CLSTN2: variants seen among roughly 807,000 people sequenced by gnomAD.
CLSTN2 encodes calsyntenin 2.
A neutral mutation model predicts 101.2 loss-of-function variants in CLSTN2; 48 were observed. The observed-to-expected ratio is 0.47, with a 90% confidence interval of 0.38 to 0.60. CLSTN2 has a LOEUF of 0.60. Among genes scored for constraint, CLSTN2 ranks in the 20% least tolerant of loss-of-function variants. The pLI is 0.00. For missense variants in CLSTN2, 1,160 were observed against 1,238.2 expected (o/e 0.94, Z 0.95); for synonymous variants, 481 against 463.6 (o/e 1.04, Z -0.48).
rs554617411 is a variant in CLSTN2 at position 140,216,551 on chromosome 3, A to T, written c.232+40478A>T. ...GCCTCTTTGCTGTGACTCTTACAAA[A>T]ATTAAAAAACCAAACCTCTCAGTTG... On this transcript the variant is annotated intron_variant, in intron 2 of 16. Coordinates refer to ENST00000458420, the MANE Select transcript of CLSTN2 (RefSeq NM_022131.3). 2.0e-5 allele frequency among the ~76,000 whole-genome samples: 3 copies of T among 152,222 alleles called. No individual in the cohort carries two copies. The South Asian group carries it at 6.2e-4, about 32-fold the overall frequency.
intron 1 of CLSTN2, among the ~76,000 whole-genome samples, chr3:140,077,532 T>A (rs1350015160): frequency 1.3e-5 from 2 of 152,180 alleles, no homozygotes; most frequent in African/African-American, 4.8e-5. Context: ...CACACATATG[T>A]CTGCAAATGT....
intron 1 of CLSTN2, among the ~76,000 whole-genome samples, chr3:140,031,790 G>A (rs1319080287): frequency 2.6e-5 from 4 of 152,216 alleles, no homozygotes; most frequent in Non-Finnish European, 5.9e-5. Context: ...GCTATCCAAA[G>A]TCTTTAAGTA....
At chr3:140,330,720 G>T (rs1040293804) in intron 2 of CLSTN2, among the ~76,000 whole-genome samples, 2 of 152,206 alleles carry the variant, frequency 1.3e-5, no homozygotes, top group Non-Finnish European at 2.9e-5. Flanking sequence ...TGACAAAAAA[G>T]CCAAATAGCT....
In CLSTN2 at chr3:140,240,134, T is replaced by TTCTCTCTCTCTCTC. The variant is rs1370229338; in HGVS notation, c.232+64065_232+64078dup. On this transcript the variant is annotated intron_variant, in intron 2 of 16. Transcript: ENST00000458420. ...AAGCTATACCTTAATTGCACCTGGT[T>TTCTCTCTCTCTCTC]TCTCTCTCTCTCTCTCTGTCTCTCT... Among the ~76,000 whole-genome samples the TTCTCTCTCTCTCTC allele has an allele frequency of 5.7e-3, 117 of 20,490 alleles. 43 individuals are homozygous for TTCTCTCTCTCTCTC. Among genetic ancestry groups the TTCTCTCTCTCTCTC allele is most frequent in the East Asian group, 0.015 (4 of 274 alleles). The allele number at this position is 20,490 out of a possible 152,430, so 13.4% of individuals were successfully genotyped here. A position where few individuals can be genotyped will look rare whatever the true frequency, so the allele number is the denominator to read the frequency against.
chr3:140,235,378 A>G (rs1000494893), intron 2 of CLSTN2, among the ~76,000 whole-genome samples: 7 of 152,142 alleles, frequency 4.6e-5, no homozygotes, highest in Non-Finnish European at 1.0e-4. Context: ...GCCCTCCAAG[A>G]AAAAGGATGG....
intron 8 of CLSTN2, among the ~76,000 whole-genome samples, chr3:140,495,875 T>C (rs1287901336): frequency 6.6e-6 from 1 of 152,210 alleles, no homozygotes; most frequent in Non-Finnish European, 1.5e-5. Context: ...ACCCTTGTAG[T>C]ATAGTTTGAA....
At chr3:140,076,430 A>G (rs1353647914) in intron 1 of CLSTN2, among the ~76,000 whole-genome samples, 1 of 152,086 alleles carries the variant, frequency 6.6e-6, no homozygotes, top group Non-Finnish European at 1.5e-5. Flanking sequence ...TTTAGTCGCC[A>G]CAAGAAGCAA....
At chr3:140,063,429 C>G (rs184222915) in intron 1 of CLSTN2, among the ~76,000 whole-genome samples, 2 of 152,104 alleles carry the variant, frequency 1.3e-5, no homozygotes, top group African/African-American at 2.4e-5. Flanking sequence ...AGGAGTAAAG[C>G]TCCTGCTTTC....
Position 140,145,308 on chromosome 3 carries a change from A to G in CLSTN2, c.110-30643A>G, listed in dbSNP as rs1358975342. ...AAGGAGCCCCAGGGAAATCCATAAC[A>G]TCTTTGAGCCTGGTATAGCCTGATC... On this transcript the variant is annotated intron_variant, in intron 1 of 16. Coordinates refer to ENST00000458420, the MANE Select transcript of CLSTN2 (RefSeq NM_022131.3). 2.6e-5 allele frequency among the ~76,000 whole-genome samples: 4 copies of G among 152,220 alleles called. No homozygotes were observed. The East Asian group carries it at 5.8e-4, about 22-fold the overall frequency.
intron 2 of CLSTN2, among the ~76,000 whole-genome samples, chr3:140,330,819 T>G (rs2087376516): frequency 6.6e-6 from 1 of 152,204 alleles, no homozygotes; most frequent in Admixed American, 6.5e-5. Context: ...GGTGAGAGCA[T>G]TGTACCCAGT....
chr3:140,233,463 G>T (rs2086389070), intron 2 of CLSTN2, among the ~76,000 whole-genome samples: 1 of 152,044 alleles, frequency 6.6e-6, no homozygotes, highest in Non-Finnish European at 1.5e-5. Context: ...CTCGAGCTAT[G>T]GACTCTCTGA....
At chr3:140,479,343 T>A (rs1409386929) in intron 8 of CLSTN2, among the ~76,000 whole-genome samples, 1 of 152,148 alleles carries the variant, frequency 6.6e-6, no homozygotes, top group Non-Finnish European at 1.5e-5. Context: ...AAACCAAAAC[T>A]TCTACAAGTG....
chr3:140,221,123 C>A (rs962112269), intron 2 of CLSTN2, among the ~76,000 whole-genome samples: 1 of 152,156 alleles, frequency 6.6e-6, no homozygotes, highest in South Asian at 2.1e-4. Context: ...GCTCAGGGGA[C>A]CCTGGTAGAG....
At chr3:140,397,790 C>A (rs373901735) in intron 2 of CLSTN2, among the ~76,000 whole-genome samples, 286 of 152,334 alleles carry the variant, frequency 1.9e-3, no homozygotes, top group African/African-American at 6.7e-3. Flanking sequence ...CACGTTGTTA[C>A]ATTAAAATCC....
At chr3:140,106,016 G>A (rs1197067841) in intron 1 of CLSTN2, among the ~76,000 whole-genome samples, 1 of 152,198 alleles carries the variant, frequency 6.6e-6, no homozygotes, top group East Asian at 1.9e-4. Context: ...AACTTCCCTA[G>A]GAAAGATGGG....
intron 2 of CLSTN2, among the ~76,000 whole-genome samples, chr3:140,375,758 G>A (rs1442586721): frequency 1.3e-5 from 2 of 152,022 alleles, no homozygotes; most frequent in Non-Finnish European, 2.9e-5. Flanking sequence ...CTTACATGTT[G>A]TTTTAAATGA....
chr3:140,429,636 G>A (rs1357235449), intron 5 of CLSTN2, among the ~76,000 whole-genome samples: 4 of 152,228 alleles, frequency 2.6e-5, no homozygotes, highest in East Asian at 1.9e-4. Context: ...TCTTAGGGAC[G>A]AAGGACTCCT....
At position 140,558,709 on chromosome 3, in the gene CLSTN2, C is replaced by T. The variant is rs187880483; in HGVS notation, c.1893C>T (p.Ile631=). The T allele has an allele frequency of 1.3e-3, 2,139 of 1,614,024 alleles. 36 individuals carry two copies. The South Asian group carries it at 0.02, about 15-fold the overall frequency. The stretch of plus-strand genomic sequence containing the variant: ...CCTATGTGATGGTCCTCCAGGCCAT[C>T]GAGCCCCGGATCACCCTCCGGGGCA... ...VDAYVMVLQA[I]EPRITLRGTD... The change falls in exon 12 of 17, where the codon ATC becomes ATT. Residue 631 remains isoleucine, a synonymous_variant. Transcript: ENST00000458420.
At chr3:140,429,993 C>A (rs1449254828) in intron 5 of CLSTN2, among the ~76,000 whole-genome samples, 1 of 152,180 alleles carries the variant, frequency 6.6e-6, no homozygotes. Flanking sequence ...CAGGGGTCAG[C>A]TGGTCACCTT....
Sources: allele counts gnomAD v4.1 joint callset (sites outside exome capture counted in the v4.1 genomes callset), GRCh38; gene constraint gnomAD v4.1.1; transcripts MANE v1.5; gene names NCBI Gene and HGNC (gene_info 2026-07-23, HGNC 2026-07-21).